NCOA2: variants seen among roughly 807,000 people sequenced by gnomAD.
NCOA2 encodes class E basic helix-loop-helix protein 75.
NCOA2 carries 21 observed loss-of-function variants against 145.1 expected under a neutral mutation model. That is an observed-to-expected ratio of 0.14 (90% confidence interval 0.10 to 0.21). The LOEUF (loss-of-function observed/expected upper bound fraction) is 0.21, where lower values mean the gene tolerates loss of function less well. Ranked by LOEUF, NCOA2 falls within the 10% of genes least tolerant of loss-of-function variation. The pLI is 1.00. For missense variants in NCOA2, 1,472 were observed against 1,837.6 expected (o/e 0.80, Z 3.64); for synonymous variants, 619 against 637.5 (o/e 0.97, Z 0.44).
At chr8:70,352,218 G>T (rs1809309072) in intron 1 of NCOA2, among the ~76,000 whole-genome samples, 1 of 152,048 alleles carries the variant, frequency 6.6e-6, no homozygotes, top group African/African-American at 2.4e-5. Flanking sequence ...GTTTAGAATT[G>T]ATCCCTCTCT....
At chr8:70,138,794 C>A (rs970202322) in intron 14 of NCOA2, among the ~76,000 whole-genome samples, 1 of 152,170 alleles carries the variant, frequency 6.6e-6, no homozygotes, top group East Asian at 1.9e-4. Flanking sequence ...TACATTTCTG[C>A]AAATAGCTTT....
At chr8:70,259,712 T>A (rs1432081878) in intron 2 of NCOA2, among the ~76,000 whole-genome samples, 2 of 152,148 alleles carry the variant, frequency 1.3e-5, no homozygotes, top group Non-Finnish European at 2.9e-5. Flanking sequence ...AACCTCAAAC[T>A]TCAGTTGAAA....
chr8:70,296,878 T>C (rs1827127620), intron 1 of NCOA2, 78 bp from the exon 2 acceptor site: 1 of 152,234 alleles, frequency 6.6e-6, no homozygotes, highest in Non-Finnish European at 1.5e-5. Flanking sequence ...GTGATTTTTA[T>C]AACCGATTTT....
rs1813274593 is a variant in NCOA2, at chr8:70,163,448, T to C, written c.832+17A>G. 6 of 1,578,556 alleles carry C rather than the reference T, an allele frequency of 3.8e-6. No individual in the cohort carries two copies. The highest frequency in any genetic ancestry group is 5.2e-6 in the Non-Finnish European group (6 of 1,148,078). ...TCTAAAATGATTCCTTTGGTCTTCTTTGGAGAGGAAATTTACCTTGGAGAT... is the reference window on the plus strand; with the variant it reads ...TCTAAAATGATTCCTTTGGTCTTCTCTGGAGAGGAAATTTACCTTGGAGAT... On this transcript the variant is annotated intron_variant, in intron 8 of 22. Transcript: ENST00000452400.
intron 2 of NCOA2, chr8:70,273,538 G>C: frequency 1.4e-6 from 1 of 735,094 alleles, no homozygotes; most frequent in Middle Eastern, 4.2e-4. Context: ...GCATTGAAGA[G>C]GTGAATATGT....
At chr8:70,228,589 C>G (rs983156143) in intron 2 of NCOA2, among the ~76,000 whole-genome samples, 1 of 151,922 alleles carries the variant, frequency 6.6e-6, no homozygotes, top group Non-Finnish European at 1.5e-5. Flanking sequence ...AGGAAAATTC[C>G]TTCTATTTTT....
At chr8:70,393,075 A>G (rs941859250) in intron 1 of NCOA2, among the ~76,000 whole-genome samples, 1 of 152,142 alleles carries the variant, frequency 6.6e-6, no homozygotes, top group African/African-American at 2.4e-5. Context: ...AGGGCCCTAG[A>G]GGTACACAAG....
At chr8:70,162,936 A>G (rs1244748103) in intron 8 of NCOA2, 82 bp from the exon 9 acceptor site, 7 of 535,658 alleles carry the variant, frequency 1.3e-5, no homozygotes, top group African/African-American at 4.0e-5. Flanking sequence ...TTTTTTTGAG[A>G]CAGAGTCTCA....
At chr8:70,153,609 C>T (rs1005055812) in intron 11 of NCOA2, among the ~76,000 whole-genome samples, 4 of 152,130 alleles carry the variant, frequency 2.6e-5, no homozygotes, top group Non-Finnish European at 5.9e-5. Flanking sequence ...ACCATCTTGC[C>T]CTCCAGCATG....
At chr8:70,381,080 A>T (rs541033506) in intron 1 of NCOA2, among the ~76,000 whole-genome samples, 1 of 152,024 alleles carries the variant, frequency 6.6e-6, no homozygotes, top group African/African-American at 2.4e-5. Context: ...TCAAAAAAAA[A>T]AAAAAATGCC....
rs756456250 is a variant in NCOA2 at position 70,126,833 on chromosome 8, A to C, written c.3896T>G (p.Phe1299Cys). ...PRIPQANAQQFPFPPNYGISQ... is the reference protein window; with the variant it reads ...PRIPQANAQQCPFPPNYGISQ... ...AGTACCGTAGTTTGGAGGAAATGGA[A>C]ACTGCTGTGCATTTGCCTGGGGAAT... is the stretch of plus-strand genomic sequence containing the variant. The change falls in exon 19 of 23, where the codon TTT (phenylalanine) becomes TGT (cysteine). Residue 1299 changes from phenylalanine to cysteine, a missense_variant. By Grantham distance (205) the Phe-to-Cys change is radical (BLOSUM62 -2). Transcript: ENST00000452400. 1 of 1,613,818 alleles carries C rather than the reference A, an allele frequency of 6.2e-7. No individual in the cohort carries two copies. Among genetic ancestry groups the C allele is most frequent in the Non-Finnish European group, 8.5e-7 (1 of 1,179,874 alleles).
chr8:70,450,638 G>A, the NCOA2 span, among the ~76,000 whole-genome samples: 312 of 139,934 alleles, frequency 2.2e-3, 2 homozygotes, highest in Admixed American at 0.016. Context: ...GGAGTGCAAT[G>A]GGGCAATCTT....
the NCOA2 span, among the ~76,000 whole-genome samples, chr8:70,414,686 G>A: frequency 2.0e-4 from 30 of 152,108 alleles, no homozygotes; most frequent in African/African-American, 6.0e-4. Context: ...TAGGCTCCTC[G>A]AAAATCTGGT....
At chr8:70,404,292 G>C (rs1166625639), upstream of NCOA2, among the ~76,000 whole-genome samples, 1 of 152,246 alleles carries the variant, frequency 6.6e-6, no homozygotes, top group Non-Finnish European at 1.5e-5. Flanking sequence ...CTAGCGACTG[G>C]GACGGGCCTG....
chr8:70,162,530 T>A (rs1813145276), intron 9 of NCOA2, among the ~76,000 whole-genome samples, 181 bp downstream of exon 9: 1 of 152,210 alleles, frequency 6.6e-6, no homozygotes, highest in African/African-American at 2.4e-5. Context: ...TCTACTTTCA[T>A]CACTCTTCTG....
chr8:70,127,568 G>A (rs1808574011), intron 18 of NCOA2, among the ~76,000 whole-genome samples: 1 of 152,136 alleles, frequency 6.6e-6, no homozygotes, highest in Non-Finnish European at 1.5e-5. Flanking sequence ...GGGTGGAGAG[G>A]GAGGAAAGGC....
the NCOA2 span, among the ~76,000 whole-genome samples, chr8:70,453,189 C>T: frequency 5.3e-5 from 8 of 152,316 alleles, no homozygotes; most frequent in East Asian, 1.3e-3. Flanking sequence ...TAAGCCTGGC[C>T]AAAGTGTTCC....
At chr8:70,135,972 T>C (rs1025485279) in intron 15 of NCOA2, among the ~76,000 whole-genome samples, 2 of 152,244 alleles carry the variant, frequency 1.3e-5, no homozygotes, top group Admixed American at 1.3e-4. Context: ...TTTTCAAAAG[T>C]ATTTTCAAAA....
intron 1 of NCOA2, among the ~76,000 whole-genome samples, chr8:70,341,704 A>G (rs1173363310): frequency 6.6e-6 from 1 of 152,216 alleles, no homozygotes; most frequent in African/African-American, 2.4e-5. Flanking sequence ...TGTCTTGTTT[A>G]TACTCTTTTA....
Sources: gnomAD v4.1 joint callset for allele counts (sites outside exome capture counted in the v4.1 genomes callset) on GRCh38, gnomAD v4.1.1 for gene constraint, MANE v1.5 for transcripts, NCBI Gene and HGNC (gene_info 2026-07-23, HGNC 2026-07-21) for gene names.